The following MYO1B variants were observed in gnomAD, a reference collection of about 807,000 sequenced individuals.
The protein encoded by MYO1B is myosin IB, also known as unconventional myosin-Ib.
Under a neutral mutation model 159.7 loss-of-function variants are expected in MYO1B, and 72 were observed. The observed-to-expected ratio is 0.45, with a 90% CI of 0.37 to 0.55. The LOEUF is 0.55. Among genes scored for constraint, MYO1B ranks in the 20% least tolerant of loss-of-function variants. The probability of loss-of-function intolerance (pLI) is 0.00; values close to 1 mark genes in which losing one functional copy is unlikely to be tolerated. For synonymous variants in MYO1B, 468 were observed against 473.8 expected, an observed-to-expected ratio of 0.99 and a Z score of 0.16; for missense variants, 1,062 against 1,364.8, an observed-to-expected ratio of 0.78 and a Z score of 3.50.
intron 24 of MYO1B, 24 bp from the exon 25 acceptor site, chr2:191,408,091 G>T (rs1342545897): frequency 6.4e-7 from 1 of 1,562,276 alleles, no homozygotes; most frequent in Non-Finnish European, 8.8e-7. Context: ...ATTAACCACT[G>T]TAACCTACAT....
chr2:191,332,142 T>TTTTTTTTTTTTTTTTTTTTTTG (rs1691524313), intron 4 of MYO1B, among the ~76,000 whole-genome samples: 1 of 152,142 alleles, frequency 6.6e-6, no homozygotes, highest in Admixed American at 6.5e-5. Context: ...TTTGTATTTT[T>TTTTTTTTTTTTTTTTTTTTTTG]AGTAGAGATG....
At position 191,378,854 on chromosome 2, in the gene MYO1B, A is replaced by G. The variant is rs370575711; in HGVS notation, c.1186-2608A>G. On this transcript the variant is annotated intron_variant, in intron 13 of 30. Coordinates refer to ENST00000392318, the MANE Select transcript of MYO1B (RefSeq NM_001130158.3). ...GAAAGATTTTGGGATAAGGGGTGAT[A>G]TTGTGGGGTTGTTAGAAGGAGCATT... is the stretch of plus-strand genomic sequence containing the variant. Among the ~76,000 whole-genome samples the G allele has an allele frequency of 1.1e-4, 17 of 152,192 alleles. No individual in the cohort carries two copies. The South Asian group carries it at 3.3e-3, about 30-fold the overall frequency.
intron 3 of MYO1B, among the ~76,000 whole-genome samples, chr2:191,305,852 C>G (rs893912978): frequency 6.6e-6 from 1 of 151,884 alleles, no homozygotes; most frequent in Non-Finnish European, 1.5e-5. Flanking sequence ...GATGGAGGAC[C>G]CTTAGGTGAT....
At chr2:191,246,732 A>T (rs1232013114) in intron 1 of MYO1B, among the ~76,000 whole-genome samples, 3 of 152,190 alleles carry the variant, frequency 2.0e-5, no homozygotes, top group African/African-American at 7.2e-5. Flanking sequence ...ATAGTACAAC[A>T]GTTTTCCAGG....
At chr2:191,363,340 C>T (rs1041106568) in intron 9 of MYO1B, among the ~76,000 whole-genome samples, 1 of 152,110 alleles carries the variant, frequency 6.6e-6, no homozygotes, top group African/African-American at 2.4e-5. Context: ...TTGCAAACCA[C>T]AGTTTTTCTG....
Position 191,387,286 on chromosome 2 carries a change from C to T in MYO1B, c.1617C>T (p.Ser539=), listed in dbSNP as rs1695453711. 6.2e-7 allele frequency: 1 copy of T among 1,614,106 alleles called. No individual in the cohort carries two copies. Among genetic ancestry groups the T allele is most frequent in the East Asian group, 2.2e-5 (1 of 44,886 alleles). The part of the protein sequence containing the change: ...KNNDLLYRDL[S]QAMWKASHAL... ...ATGACCTTCTCTATCGAGACCTGTC[C>T]CAAGCCATGTGGAAGGCCAGCCATG... Residue 539 remains serine, a synonymous_variant, in exon 17 of 31, where the codon TCC becomes TCT. Transcript: ENST00000392318.
intron 4 of MYO1B, among the ~76,000 whole-genome samples, chr2:191,338,071 G>T (rs952503585): frequency 2.6e-5 from 4 of 151,918 alleles, no homozygotes; most frequent in Non-Finnish European, 4.4e-5. Flanking sequence ...CATCCTTACT[G>T]GTTTATTAAT....
intron 13 of MYO1B, among the ~76,000 whole-genome samples, chr2:191,378,584 C>A (rs1200751534): frequency 1.3e-5 from 2 of 152,158 alleles, no homozygotes; most frequent in African/African-American, 4.8e-5. Flanking sequence ...TGTGGATCTT[C>A]AGTTGCTTCA....
At chr2:191,258,876 A>G (rs1277327354) in intron 1 of MYO1B, among the ~76,000 whole-genome samples, 1 of 152,196 alleles carries the variant, frequency 6.6e-6, no homozygotes, top group Non-Finnish European at 1.5e-5. Flanking sequence ...GTATAGGTAA[A>G]ATGTTAAAGG....
intron 27 of MYO1B, among the ~76,000 whole-genome samples, chr2:191,412,996 G>GT (rs1249768978): frequency 6.6e-6 from 1 of 152,068 alleles, no homozygotes; most frequent in East Asian, 1.9e-4. Context: ...CATCATATGG[G>GT]TTATGAGTGA....
rs148761815 is a variant in MYO1B, at chr2:191,352,141, C to G, written c.562+1916C>G. ...GTAACCAAAGGCAAGTGATTATAAC[C>G]CCTGCCAAACTTGTTAGGAAGACTC... On this transcript the variant is annotated intron_variant, in intron 7 of 30. Coordinates refer to ENST00000392318, the MANE Select transcript of MYO1B (RefSeq NM_001130158.3). Among the ~76,000 whole-genome samples the G allele has an allele frequency of 4.1e-3, 617 of 152,240 alleles. 4 individuals carry two copies. The highest frequency in any genetic ancestry group is 0.014 in the African/African-American group (602 of 41,540).
intron 3 of MYO1B, among the ~76,000 whole-genome samples, chr2:191,297,531 CCTCT>C (rs1689058201): frequency 1.3e-5 from 2 of 152,058 alleles, no homozygotes; most frequent in Non-Finnish European, 2.9e-5. Context: ...GTAGCATCAT[CCTCT>C]CTCTCTCAAA....
intron 1 of MYO1B, among the ~76,000 whole-genome samples, chr2:191,270,302 G>A (rs1172799730): frequency 5.3e-5 from 8 of 152,176 alleles, no homozygotes; most frequent in Non-Finnish European, 1.2e-4. Flanking sequence ...TTGGCTTATA[G>A]TCTTTTTGCT....
intron 2 of MYO1B, among the ~76,000 whole-genome samples, chr2:191,280,403 C>G (rs1355395881): frequency 1.3e-5 from 2 of 152,216 alleles, no homozygotes; most frequent in African/African-American, 4.8e-5. Context: ...GACTTTGTGA[C>G]TTACTGTCTG....
chr2:191,251,285 C>T (rs1041456653), intron 1 of MYO1B, among the ~76,000 whole-genome samples: 1 of 152,256 alleles, frequency 6.6e-6, no homozygotes, highest in African/African-American at 2.4e-5. Flanking sequence ...ACAGGGCATC[C>T]AGTCCTGGAG....
At chr2:191,384,762 G>T (rs1309139758) in intron 15 of MYO1B, among the ~76,000 whole-genome samples, 1 of 152,104 alleles carries the variant, frequency 6.6e-6, no homozygotes, top group Non-Finnish European at 1.5e-5. Context: ...AGGAGAAAAA[G>T]AACAGTGGTA....
At chr2:191,341,199 T>C (rs1574466447) in intron 4 of MYO1B, among the ~76,000 whole-genome samples, 2 of 152,174 alleles carry the variant, frequency 1.3e-5, no homozygotes, top group Admixed American at 1.3e-4. Context: ...TTCTGATATT[T>C]TGTTGGTCAT....
intron 30 of MYO1B, among the ~76,000 whole-genome samples, chr2:191,422,323 C>G (rs527461066): frequency 6.6e-6 from 1 of 152,278 alleles, no homozygotes; most frequent in African/African-American, 2.4e-5. Context: ...CTCATGTCCC[C>G]CAGTGATGCT....
At chr2:191,249,136 C>T (rs893027172) in intron 1 of MYO1B, among the ~76,000 whole-genome samples, 2 of 152,166 alleles carry the variant, frequency 1.3e-5, no homozygotes, top group Non-Finnish European at 2.9e-5. Context: ...TATTGAAATC[C>T]ATTTTAAGCC....
Sources: gnomAD v4.1 joint callset for allele counts (sites outside exome capture counted in the v4.1 genomes callset) on GRCh38, gnomAD v4.1.1 for gene constraint, MANE v1.5 for transcripts, NCBI Gene and HGNC (gene_info 2026-07-23, HGNC 2026-07-21) for gene names.